Variants in GADL1 observed in about 807,000 individuals in gnomAD.
GADL1 encodes GAD like acidic amino acid decarboxylase 1.
A neutral mutation model predicts 69.5 loss-of-function variants in GADL1; 71 were observed. The ratio of observed to expected loss-of-function variants is 1.02; its 90% CI spans 0.84 to 1.25. The LOEUF is 1.25. GADL1 is among the 50% of genes most tolerant of loss of function. GADL1 has a pLI of 0.00. For synonymous variants in GADL1, 254 were observed against 214.4 expected, an observed-to-expected ratio of 1.18 and a Z score of -1.62; for missense variants, 737 against 631.8, an observed-to-expected ratio of 1.17 and a Z score of -1.79.
At chr3:30,752,234 TAAGG>T (rs913323428) in intron 14 of GADL1, among the ~76,000 whole-genome samples, 13 of 152,110 alleles carry the variant, frequency 8.5e-5, no homozygotes, top group African/African-American at 3.1e-4. Context: ...CTTTTAAACT[TAAGG>T]GAGGCTAGAT....
chr3:30,755,448 A>AT (rs766085790), intron 14 of GADL1, among the ~76,000 whole-genome samples: 1 of 152,230 alleles, frequency 6.6e-6, no homozygotes, highest in Non-Finnish European at 1.5e-5. Flanking sequence ...AAATACAAAG[A>AT]TTATTCACAC....
chr3:30,785,266 C>T (rs1696763159), intron 13 of GADL1, among the ~76,000 whole-genome samples: 1 of 152,052 alleles, frequency 6.6e-6, no homozygotes, highest in Non-Finnish European at 1.5e-5. Flanking sequence ...TGAATGTAAA[C>T]ATGAAATTGG....
At chr3:30,732,250 C>A (rs1250737522) in intron 14 of GADL1, among the ~76,000 whole-genome samples, 1 of 152,128 alleles carries the variant, frequency 6.6e-6, no homozygotes, top group Non-Finnish European at 1.5e-5. Context: ...TATCCAGATA[C>A]CACCCCTAAA....
chr3:30,852,584 T>C (rs753767849), intron 4 of GADL1, among the ~76,000 whole-genome samples: 10 of 151,428 alleles, frequency 6.6e-5, no homozygotes, highest in Admixed American at 4.6e-4. Context: ...ACAAAAAGTA[T>C]GAAAAAAGCA....
At chr3:30,869,963 G>C (rs943791024) in intron 1 of GADL1, among the ~76,000 whole-genome samples, 22 of 151,770 alleles carry the variant, frequency 1.4e-4, no homozygotes, top group African/African-American at 5.3e-4. Flanking sequence ...TTCAGAGAAG[G>C]GTATTGTTTC....
At chr3:30,752,634 C>G (rs900020060) in intron 14 of GADL1, among the ~76,000 whole-genome samples, 29 of 152,104 alleles carry the variant, frequency 1.9e-4, no homozygotes, top group African/African-American at 6.8e-4. Flanking sequence ...AATATCGTTA[C>G]AAGAAAACGT....
At chr3:30,857,446 A>G (rs1192393006) in intron 2 of GADL1, among the ~76,000 whole-genome samples, 1 of 152,046 alleles carries the variant, frequency 6.6e-6, no homozygotes, top group African/African-American at 2.4e-5. Context: ...GACAGAAGTA[A>G]CAAAGATCAA....
intron 7 of GADL1, 27 bp from the exon 8 acceptor site, chr3:30,844,291 A>C: frequency 6.3e-7 from 1 of 1,596,598 alleles, no homozygotes; most frequent in Non-Finnish European, 8.6e-7. Flanking sequence ...TGAGACTTTC[A>C]GTTATGTTTA....
At chr3:30,831,140 A>G (rs991528273) in intron 11 of GADL1, among the ~76,000 whole-genome samples, 1 of 151,900 alleles carries the variant, frequency 6.6e-6, no homozygotes, top group Non-Finnish European at 1.5e-5. Context: ...ATTTTTTCCA[A>G]TAACTCTTTT....
At chr3:30,849,894 C>T in intron 6 of GADL1, 102 bp downstream of exon 6, 1 of 684,018 alleles carries the variant, frequency 1.5e-6, no homozygotes, top group Non-Finnish European at 2.6e-6. Context: ...GCATATTAGT[C>T]ACATGGGTAT....
intron 14 of GADL1, among the ~76,000 whole-genome samples, chr3:30,747,713 T>C (rs1695729334): frequency 6.6e-6 from 1 of 152,196 alleles, no homozygotes; most frequent in East Asian, 1.9e-4. Flanking sequence ...AAGATTTAAA[T>C]AGGGGCATTC....
chr3:30,871,079 G>GTGTGTGTGTGTC lies in GADL1; in HGVS notation c.38-9315_38-9314insGACACACACACA, dbSNP rs1010205282. The stretch of plus-strand genomic sequence containing the variant: ...TGTGTGTGTGTGTGTGTGTGTGTGT[G>GTGTGTGTGTGTC]TCCAAGAAACTCAAGTACTTCTGTT... On this transcript the variant is annotated intron_variant, in intron 1 of 14. Transcript: ENST00000282538. 1.3e-3 allele frequency among the ~76,000 whole-genome samples: 200 copies of GTGTGTGTGTGTC among 149,678 alleles called. 1 individual carries two copies. In the East Asian group the frequency reaches 0.027, roughly 20 times the overall value.
At chr3:30,731,262 C>T (rs1695452910) in intron 14 of GADL1, among the ~76,000 whole-genome samples, 1 of 152,234 alleles carries the variant, frequency 6.6e-6, no homozygotes, top group African/African-American at 2.4e-5. Context: ...ATAACTGGCT[C>T]TGGCTTGTAG....
intron 6 of GADL1, among the ~76,000 whole-genome samples, chr3:30,846,117 G>A (rs1336165691): frequency 6.6e-6 from 1 of 151,626 alleles, no homozygotes; most frequent in East Asian, 1.9e-4. Flanking sequence ...TTCAGAGAAG[G>A]AAGAGCCCTG....
chr3:30,832,125 C>A (rs1360958527), intron 11 of GADL1, among the ~76,000 whole-genome samples: 1 of 151,736 alleles, frequency 6.6e-6, no homozygotes, highest in Non-Finnish European at 1.5e-5. Flanking sequence ...ACTGCCAACA[C>A]AAAACTTAAA....
intron 14 of GADL1, among the ~76,000 whole-genome samples, chr3:30,773,270 G>A (rs554816956): frequency 1.3e-5 from 2 of 152,044 alleles, no homozygotes; most frequent in Non-Finnish European, 2.9e-5. Context: ...GTACCATATT[G>A]GGATTAATGC....
At chr3:30,853,424 T>C (rs1698181598) in intron 4 of GADL1, among the ~76,000 whole-genome samples, 1 of 152,198 alleles carries the variant, frequency 6.6e-6, no homozygotes. Flanking sequence ...GTCCACCATT[T>C]CAATTACCAT....
At chr3:30,818,762 T>C (rs1438517717) in intron 11 of GADL1, among the ~76,000 whole-genome samples, 1 of 152,198 alleles carries the variant, frequency 6.6e-6, no homozygotes, top group Non-Finnish European at 1.5e-5. Context: ...AACCCTACAC[T>C]GAGGTGTGAA....
intron 1 of GADL1, among the ~76,000 whole-genome samples, chr3:30,889,625 T>A (rs1465537414): frequency 6.6e-6 from 1 of 151,842 alleles, no homozygotes; most frequent in Non-Finnish European, 1.5e-5. Context: ...TCCAGTTAAC[T>A]TTTTTTTTCC....
Sources: gnomAD v4.1 joint callset for allele counts (sites outside exome capture counted in the v4.1 genomes callset) on GRCh38, gnomAD v4.1.1 for gene constraint, MANE v1.5 for transcripts, NCBI Gene and HGNC (gene_info 2026-07-23, HGNC 2026-07-21) for gene names.